The following ASAP3 variants were observed in gnomAD, a reference collection of about 807,000 sequenced individuals.
The protein encoded by ASAP3 is ArfGAP with SH3 domain, ankyrin repeat and PH domain 3.
A neutral mutation model predicts 118.2 loss-of-function variants in ASAP3; 85 were observed. The ratio of observed to expected loss-of-function variants is 0.72; its 90% CI spans 0.60 to 0.86. The LOEUF (loss-of-function observed/expected upper bound fraction) is 0.86, where lower values mean the gene tolerates loss of function less well. Ranked by LOEUF, ASAP3 falls within the 40% of genes least tolerant of loss-of-function variation. ASAP3 has a pLI of 0.00. For missense variants in ASAP3, 1,026 were observed against 1,175.0 expected (o/e 0.87, Z 1.85); for synonymous variants, 432 against 477.4 (o/e 0.90, Z 1.24).
At chr1:23,478,843 T>C (rs1642217468) in intron 1 of ASAP3, among the ~76,000 whole-genome samples, 1 of 152,252 alleles carries the variant, frequency 6.6e-6, no homozygotes, top group Non-Finnish European at 1.5e-5. Context: ...AGAGTATGCA[T>C]AAATGATCTA....
chr1:23,468,552 G>A (rs1187452607), intron 1 of ASAP3, among the ~76,000 whole-genome samples: 2 of 152,226 alleles, frequency 1.3e-5, no homozygotes, highest in Middle Eastern at 3.4e-3. Flanking sequence ...TAAATTATAT[G>A]TACTACATAT....
At chr1:23,465,202 T>C (rs998170147) in intron 1 of ASAP3, among the ~76,000 whole-genome samples, 3 of 152,234 alleles carry the variant, frequency 2.0e-5, no homozygotes, top group South Asian at 2.1e-4. Flanking sequence ...TCAACTTTCA[T>C]TGAATTAATT....
rs1438458198 is a variant in ASAP3, at chr1:23,437,749, G to A, written c.1103-277C>T. On this transcript the variant is annotated intron_variant, in intron 12 of 24. Coordinates refer to ENST00000336689, the MANE Select transcript of ASAP3 (RefSeq NM_017707.4). The surrounding 1 kb of genome is among the most constrained non-coding windows in gnomAD (Gnocchi z 6.1). ...GTCTCAAAGGGCTTGGAACCCCAGA[G>A]AACCCAGCTCTGAGGCAGGGCATCC... 6.6e-6 allele frequency among the ~76,000 whole-genome samples: 1 copy of A among 152,158 alleles called. No homozygotes were observed. The highest frequency in any genetic ancestry group is 2.4e-5 in the African/African-American group (1 of 41,436).
chr1:23,462,208 T>C (rs1641615255), intron 1 of ASAP3, among the ~76,000 whole-genome samples: 2 of 151,504 alleles, frequency 1.3e-5, no homozygotes, highest in South Asian at 2.1e-4. Context: ...TATTTTTTAG[T>C]AGAGACGGGG....
chr1:23,434,245 A>G lies in ASAP3; in HGVS notation c.1951+9T>C. On this transcript the variant is annotated intron_variant, in intron 19 of 24. Coordinates refer to ENST00000336689, the MANE Select transcript of ASAP3 (RefSeq NM_017707.4). The stretch of plus-strand genomic sequence containing the variant: ...TAGGAGTCTGACGGAGGAGGTATTC[A>G]AGCCCCACCTGTGCCAACCAAAGCT... 1 of 1,613,820 alleles carries G rather than the reference A, an allele frequency of 6.2e-7. No homozygotes were observed. The highest frequency in any genetic ancestry group is 1.3e-5 in the African/African-American group (1 of 75,014).
intron 22 of ASAP3, among the ~76,000 whole-genome samples, chr1:23,432,258 C>T (rs1363583703): frequency 6.6e-6 from 1 of 152,184 alleles, no homozygotes; most frequent in Non-Finnish European, 1.5e-5. Context: ...CCGCCTGCTT[C>T]GGCCTCCCAA....
At chr1:23,454,439 G>GCCT (rs1420303759) in intron 3 of ASAP3, among the ~76,000 whole-genome samples, 1 of 152,102 alleles carries the variant, frequency 6.6e-6, no homozygotes, top group East Asian at 1.9e-4. Flanking sequence ...GCCCACCTTG[G>GCCT]CCTCCCAAAG....
intron 1 of ASAP3, among the ~76,000 whole-genome samples, chr1:23,468,678 CTTTAGTT>C (rs1211460697): frequency 3.6e-5 from 2 of 55,648 alleles, no homozygotes; most frequent in Non-Finnish European, 1.1e-4. Context: ...TGAGACCATC[CTTTAGTT>C]GAGATAGGGT....
At chr1:23,434,882 T>C (rs1296016603) in intron 17 of ASAP3, among the ~76,000 whole-genome samples, 1 of 152,168 alleles carries the variant, frequency 6.6e-6, no homozygotes. Flanking sequence ...CTCCTCTCCC[T>C]GATCGCACTT....
At position 23,436,632 on chromosome 1, in the gene ASAP3, G is replaced by GT. The variant is rs1640666436; in HGVS notation, c.1498dup (p.Thr500AsnfsTer5). ...GGCCTCCATGACCTCATTGAAGCTC[G>GT]TGTTTCCCATGTTCAAGGCCAGCTG... On this transcript the variant is annotated frameshift_variant, in exon 16 of 25. Coordinates refer to ENST00000336689, the MANE Select transcript of ASAP3 (RefSeq NM_017707.4). LOFTEE classifies it high-confidence loss of function. This position sits in a 1 kb window ranked among gnomAD's most constrained non-coding sequence, Gnocchi z 4.2. 1 of 1,614,218 alleles carries GT rather than the reference G, an allele frequency of 6.2e-7. No homozygotes were observed. The highest frequency in any genetic ancestry group is 2.2e-5 in the East Asian group (1 of 44,886).
intron 1 of ASAP3, among the ~76,000 whole-genome samples, chr1:23,457,228 T>C (rs1490456389): frequency 1.3e-5 from 2 of 152,044 alleles, no homozygotes; most frequent in Admixed American, 6.6e-5. Context: ...GTTCCATCCA[T>C]GTACCACAGC....
chr1:23,456,739 G>C lies in ASAP3; in HGVS notation c.130-545C>G, dbSNP rs76987995. ...GGTACACTTGTTCACCAAACCCCAG[G>C]CTCAATAAACAGTTATGTCAGGACA... On this transcript the variant is annotated intron_variant, in intron 1 of 24. Coordinates refer to ENST00000336689, the MANE Select transcript of ASAP3 (RefSeq NM_017707.4). Among the ~76,000 whole-genome samples the C allele has an allele frequency of 3.4e-3, 520 of 152,258 alleles. 23 individuals carry two copies. In the East Asian group the frequency reaches 0.084, roughly 25 times the overall value.
rs1176359036 is a variant in ASAP3, at chr1:23,437,047, G to A, written c.1343-3C>T. The A allele has an allele frequency of 5.0e-6, 8 of 1,609,114 alleles. No individual in the cohort carries two copies. Among genetic ancestry groups the A allele is most frequent in the Non-Finnish European group, 6.8e-6 (8 of 1,178,152 alleles). ...GTTGGTGCTGAGCCACGTGGGGTCT[G>A]CAGAGGAAAGCAGCTGGAGCCTGGA... On this transcript the variant is annotated splice_region_variant and splice_polypyrimidine_tract_variant and intron_variant, in intron 14 of 24. Coordinates refer to ENST00000336689, the MANE Select transcript of ASAP3 (RefSeq NM_017707.4). The surrounding 1 kb of genome is among the most constrained non-coding windows in gnomAD (Gnocchi z 6.1).
rs747935507 is a variant in ASAP3, at chr1:23,429,807, GCT to G, written c.*47_*48del. On this transcript the variant is annotated 3_prime_UTR_variant, in exon 25 of 25. Transcript: ENST00000336689. ...CCCAGTTTTGTGAGCTCAAGTCCCAGCTCTGAACATTGGGGCCTAGCATGGGG... is the reference window on the plus strand; with the variant it reads ...CCCAGTTTTGTGAGCTCAAGTCCCAGCTGAACATTGGGGCCTAGCATGGGG... 29 of 1,580,210 alleles carry G rather than the reference GCT, an allele frequency of 1.8e-5. No individual in the cohort carries two copies. In the South Asian group the frequency reaches 3.2e-4, roughly 17 times the overall value.
chr1:23,451,713 C>T (rs898035333), intron 4 of ASAP3, among the ~76,000 whole-genome samples, 185 bp from the exon 5 acceptor site: 1 of 152,166 alleles, frequency 6.6e-6, no homozygotes, highest in African/African-American at 2.4e-5. Flanking sequence ...GCTCAGCTGA[C>T]CCCATTTCTC....
intron 1 of ASAP3, among the ~76,000 whole-genome samples, chr1:23,474,676 C>T (rs1025224923): frequency 7.9e-5 from 12 of 152,224 alleles, no homozygotes; most frequent in Admixed American, 3.9e-4. Context: ...CTCCACCTCC[C>T]GGGTTCAAGC....
intron 1 of ASAP3, among the ~76,000 whole-genome samples, chr1:23,478,027 G>T (rs576576305): frequency 6.6e-6 from 1 of 152,236 alleles, no homozygotes; most frequent in South Asian, 2.1e-4. Context: ...CACTATGCTG[G>T]CAGGGCCAAC....
At chr1:23,447,082 C>T (rs1398135916) in intron 5 of ASAP3, among the ~76,000 whole-genome samples, 1 of 152,154 alleles carries the variant, frequency 6.6e-6, no homozygotes, top group Non-Finnish European at 1.5e-5. Flanking sequence ...TGACAGGAGG[C>T]GGAACTCAGG....
chr1:23,440,367 G>A (rs1456435701), intron 10 of ASAP3, among the ~76,000 whole-genome samples: 3 of 146,724 alleles, frequency 2.0e-5, no homozygotes, highest in Non-Finnish European at 3.0e-5. Flanking sequence ...TGGGCGTAGT[G>A]GCGGGCACCT....
Sources: allele counts gnomAD v4.1 joint callset (sites outside exome capture counted in the v4.1 genomes callset), GRCh38; gene constraint gnomAD v4.1.1; non-coding constraint Gnocchi (gnomAD v3.1); transcripts MANE v1.5; gene names NCBI Gene and HGNC (gene_info 2026-07-23, HGNC 2026-07-21).